Variants in EPN2 observed in about 807,000 individuals in gnomAD.
The protein encoded by EPN2 is epsin-2.
In EPN2, 34 loss-of-function variants were observed where a neutral mutation model predicts 61.7. That is an observed-to-expected ratio of 0.55 (90% CI 0.42 to 0.73). The LOEUF (loss-of-function observed/expected upper bound fraction) is 0.73, where lower values mean the gene tolerates loss of function less well. Ranked by LOEUF, EPN2 falls within the 30% of genes least tolerant of loss-of-function variation. The pLI is 0.00. For synonymous variants in EPN2, 349 were observed against 353.6 expected, an observed-to-expected ratio of 0.99 and a Z score of 0.15; for missense variants, 714 against 839.2, an observed-to-expected ratio of 0.85 and a Z score of 1.84.
chr17:19,315,925 T>C (rs1906362605), intron 7 of EPN2, among the ~76,000 whole-genome samples: 1 of 152,236 alleles, frequency 6.6e-6, no homozygotes, highest in African/African-American at 2.4e-5. Context: ...GCAACCAGTA[T>C]GTGCTTTCTA....
At position 19,256,178 on chromosome 17, in the gene EPN2, T is replaced by C. The variant is rs534260316; in HGVS notation, c.-294+18647T>C. Among the ~76,000 whole-genome samples the C allele has an allele frequency of 5.3e-5, 8 of 151,992 alleles. No homozygotes were observed. The East Asian group carries it at 7.8e-4, about 15-fold the overall frequency. On this transcript the variant is annotated intron_variant, in intron 1 of 10. Transcript: ENST00000314728. ...GGTCGCGATCTCCTGACCTCGTGAT[T>C]TGCCCACCTTGGCCTCCCAAAGTGC...
chr17:19,332,197 T>A, intron 10 of EPN2, 129 bp downstream of exon 10: 1 of 711,346 alleles, frequency 1.4e-6, no homozygotes. Context: ...TCTAGATGAT[T>A]ACGTATGCCC....
At chr17:19,275,978 G>A (rs1210850066) in intron 1 of EPN2, among the ~76,000 whole-genome samples, 1 of 152,190 alleles carries the variant, frequency 6.6e-6, no homozygotes, top group Non-Finnish European at 1.5e-5. Flanking sequence ...TTTGCTGTTG[G>A]TTGGAATTTA....
intron 1 of EPN2, among the ~76,000 whole-genome samples, chr17:19,259,161 G>A (rs57158052): frequency 0.01 from 1,590 of 152,194 alleles, 23 homozygotes; most frequent in African/African-American, 0.035. Flanking sequence ...TTTGAAAACC[G>A]CCCTATAAGG....
In EPN2 at chr17:19,283,445, TC is replaced by T. The variant is rs1444906245; in HGVS notation, c.328del (p.Gln110SerfsTer31). 1.2e-6 allele frequency: 2 copies of T among 1,614,016 alleles called. No individual in the cohort carries two copies. Among genetic ancestry groups the T allele is most frequent in the Non-Finnish European group, 1.7e-6 (2 of 1,180,006 alleles). On this transcript the variant is annotated frameshift_variant, in exon 3 of 11. Coordinates refer to ENST00000314728, the MANE Select transcript of EPN2 (RefSeq NM_014964.5). LOFTEE classifies it high-confidence loss of function. The surrounding 1 kb of genome is among the most constrained non-coding windows in gnomAD (Gnocchi z 7.0). ...NIFAIQTLKDFQYIDRDGKDQ... is the reference protein window; with the variant it reads ...NIFAIQTLKDXQYIDRDGKDQ... ...TTCGCCATCCAGACCCTGAAGGACT[TC>T]CAGTACATTGACCGAGATGGCAAGG...
chr17:19,313,159 A>G lies in EPN2; in HGVS notation c.1027A>G (p.Ser343Gly), dbSNP rs1263775779. 2 of 1,613,740 alleles carry G rather than the reference A, an allele frequency of 1.2e-6. No homozygotes were observed. The highest frequency in any genetic ancestry group is 1.7e-6 in the Non-Finnish European group (2 of 1,179,872). The change falls in exon 7 of 11, where the codon AGC becomes GGC. Residue 343 changes from serine to glycine, a missense_variant. Transcript: ENST00000314728. The stretch of plus-strand genomic sequence containing the variant: ...GTTGGATTTAATGGATGCTCTCCCC[A>G]GCTCGGGCCCCGCGGCCCAGAAAGC... The part of the protein sequence containing the change: ...TLLDLMDALP[S>G]SGPAAQKAEP...
At chr17:19,312,249 C>A in intron 6 of EPN2, 105 bp downstream of exon 6, 1 of 790,786 alleles carries the variant, frequency 1.3e-6, no homozygotes, top group Non-Finnish European at 2.2e-6. Flanking sequence ...GTGAGTTCTC[C>A]AACCTCAGCA....
At chr17:19,307,807 G>A (rs1258056983) in intron 4 of EPN2, 1 of 675,752 alleles carries the variant, frequency 1.5e-6, no homozygotes. Flanking sequence ...ACCTCCCCTG[G>A]TTCTTCTGTG....
At position 19,264,845 on chromosome 17, in the gene EPN2, G is replaced by C. The variant is rs1408701875; in HGVS notation, c.-293-17110G>C. 2.0e-5 allele frequency among the ~76,000 whole-genome samples: 3 copies of C among 152,270 alleles called. 1 individual carries two copies. Among genetic ancestry groups the C allele is most frequent in the Middle Eastern group, 6.8e-3 (2 of 294 alleles). ...GCATGCAGCATCAAGGAGACAGTCG[G>C]GGTCTCTGTCCCTTGAGAGCCTGCA... On this transcript the variant is annotated intron_variant, in intron 1 of 10. Coordinates refer to ENST00000314728, the MANE Select transcript of EPN2 (RefSeq NM_014964.5).
chr17:19,321,710 CTG>C (rs1906646563), intron 7 of EPN2, among the ~76,000 whole-genome samples: 1 of 151,954 alleles, frequency 6.6e-6, no homozygotes, highest in Non-Finnish European at 1.5e-5. Context: ...AGGCTCCAGT[CTG>C]TTATCCAGGC....
chr17:19,302,010 C>T (rs1204212982), intron 4 of EPN2, among the ~76,000 whole-genome samples: 5 of 152,220 alleles, frequency 3.3e-5, no homozygotes, highest in Admixed American at 2.6e-4. Context: ...TGCCCCTGGG[C>T]GGCTGTGAGC....
chr17:19,310,388 AG>A (rs1349825273), intron 5 of EPN2, among the ~76,000 whole-genome samples: 1 of 152,180 alleles, frequency 6.6e-6, no homozygotes, highest in African/African-American at 2.4e-5. Context: ...GAGCCAGCCC[AG>A]CCCCCGCCAA....
intron 1 of EPN2, among the ~76,000 whole-genome samples, chr17:19,280,465 C>A (rs1455186656): frequency 1.3e-5 from 2 of 152,082 alleles, no homozygotes; most frequent in African/African-American, 2.4e-5. Flanking sequence ...AGTTTTTATC[C>A]CTGGTCCTTT....
chr17:19,318,523 G>A (rs540184097), intron 7 of EPN2, among the ~76,000 whole-genome samples: 2 of 65,456 alleles, frequency 3.1e-5, no homozygotes, highest in African/African-American at 4.1e-5. Flanking sequence ...GCACTCCAGC[G>A]TGGGCAACAG....
chr17:19,283,463 A>G lies in EPN2; in HGVS notation c.344A>G (p.Asp115Gly), dbSNP rs2045377128. Residue 115 changes from aspartate (D) to glycine (G), a missense_variant, in exon 3 of 11, where the codon GAT (aspartate) becomes GGT (glycine). Asp to Gly is a moderately conservative substitution (Grantham distance 94). This residue lies in a region of EPN2 where 304 missense variants were observed against 417.4 expected (regional missense o/e 0.73). Coordinates refer to ENST00000314728, the MANE Select transcript of EPN2 (RefSeq NM_014964.5). This position sits in a 1 kb window ranked among gnomAD's most constrained non-coding sequence, Gnocchi z 7.0. ...AAGGACTTCCAGTACATTGACCGAGATGGCAAGGACCAGGGCATCAATGTG... is the reference window on the plus strand; with the variant it reads ...AAGGACTTCCAGTACATTGACCGAGGTGGCAAGGACCAGGGCATCAATGTG... ...TLKDFQYIDR[D>G]GKDQGINVRE... The G allele has an allele frequency of 6.2e-7, 1 of 1,614,214 alleles. No individual in the cohort carries two copies. The highest frequency in any genetic ancestry group is 8.5e-7 in the Non-Finnish European group (1 of 1,180,036).
intron 4 of EPN2, among the ~76,000 whole-genome samples, chr17:19,290,006 C>T: frequency 6.6e-6 from 1 of 152,100 alleles, no homozygotes; most frequent in East Asian, 1.9e-4. Context: ...CAGGCGTGAG[C>T]CACCATGCCT....
Position 19,285,684 on chromosome 17 carries a change from G to A in EPN2, c.660G>A (p.Leu220=), listed in dbSNP as rs2045397457. Residue 220 remains leucine, a synonymous_variant, in exon 4 of 11, where the codon CTG becomes CTA. Coordinates refer to ENST00000314728, the MANE Select transcript of EPN2 (RefSeq NM_014964.5). The surrounding 1 kb of genome is among the most constrained non-coding windows in gnomAD (Gnocchi z 4.5). ...CCCCGCTGGGTCAGAGTGAGGAGCT[G>A]CAGCCACTGAGCCAGCGCCACCCCT... The part of the protein sequence containing the change: ...TGAPLGQSEE[L]QPLSQRHPFL... 1 of 1,585,012 alleles carries A rather than the reference G, an allele frequency of 6.3e-7. No homozygotes were observed. Among genetic ancestry groups the A allele is most frequent in the African/African-American group, 1.3e-5 (1 of 74,370 alleles).
intron 4 of EPN2, among the ~76,000 whole-genome samples, chr17:19,301,498 A>G (rs1292107948): frequency 6.6e-6 from 1 of 151,900 alleles, no homozygotes; most frequent in Non-Finnish European, 1.5e-5. Flanking sequence ...ATGTGTCCAG[A>G]CTCTGGCCAC....
intron 7 of EPN2, 70 bp downstream of exon 7, chr17:19,313,349 C>G: frequency 7.1e-7 from 1 of 1,407,946 alleles, no homozygotes; most frequent in Non-Finnish European, 9.5e-7. Flanking sequence ...GTGCTTCTTG[C>G]TGTCTCTCAC....
Sources: gnomAD v4.1 joint callset for allele counts (sites outside exome capture counted in the v4.1 genomes callset) on GRCh38, gnomAD v4.1.1 for gene constraint, gnomAD v4.1.1 regional missense constraint, Gnocchi (gnomAD v3.1) non-coding constraint, MANE v1.5 for transcripts, NCBI Gene and HGNC (gene_info 2026-07-23, HGNC 2026-07-21) for gene names.